Variants in TNPO1 observed in about 807,000 individuals in gnomAD.
The protein encoded by TNPO1 is transportin-1.
A neutral mutation model predicts 119.5 loss-of-function variants in TNPO1; 8 were observed. The ratio of observed to expected loss-of-function variants is 0.07; its 90% confidence interval spans 0.04 to 0.12. The LOEUF (loss-of-function observed/expected upper bound fraction) is 0.12. Among genes scored for constraint, TNPO1 ranks in the 10% least tolerant of loss-of-function variants. TNPO1 has a pLI of 1.00. For synonymous variants in TNPO1, 362 were observed against 363.0 expected (o/e 1.00, Z 0.03); for missense variants, 576 against 1,089.8 (o/e 0.53, Z 6.64).
intron 20 of TNPO1, among the ~76,000 whole-genome samples, chr5:72,898,239 G>T (rs1749577757): frequency 6.6e-6 from 1 of 152,076 alleles, no homozygotes; most frequent in Admixed American, 6.6e-5. Flanking sequence ...GGAACCTAAA[G>T]AAACTTCTAT....
chr5:72,907,786 A>G (rs893930335), intron 24 of TNPO1, among the ~76,000 whole-genome samples: 1 of 152,170 alleles, frequency 6.6e-6, no homozygotes, highest in African/African-American at 2.4e-5. Context: ...GCCCACATCT[A>G]TAATCCTAGC....
intron 11 of TNPO1, among the ~76,000 whole-genome samples, chr5:72,884,809 G>A (rs927191566): frequency 2.6e-5 from 4 of 152,014 alleles, no homozygotes; most frequent in African/African-American, 9.7e-5. Context: ...TGTTGCGGAG[G>A]CTGTCCTGCA....
At chr5:72,818,145 T>A (rs374786952) in intron 1 of TNPO1, among the ~76,000 whole-genome samples, 9 of 152,376 alleles carry the variant, frequency 5.9e-5, no homozygotes, top group African/African-American at 2.2e-4. Flanking sequence ...ACTAGTGTTC[T>A]GTTTTCTTTT....
At chr5:72,818,871 C>G (rs146455819) in intron 1 of TNPO1, among the ~76,000 whole-genome samples, 1 of 152,276 alleles carries the variant, frequency 6.6e-6, no homozygotes, top group East Asian at 1.9e-4. Flanking sequence ...CAGTGAAATT[C>G]CCCTGGAGGT....
intron 1 of TNPO1, among the ~76,000 whole-genome samples, chr5:72,832,896 C>G (rs1479026418): frequency 1.3e-5 from 2 of 152,144 alleles, no homozygotes; most frequent in African/African-American, 4.8e-5. Flanking sequence ...TCAGTTTACT[C>G]TCCACCCATC....
chr5:72,891,293 T>C (rs550780550), intron 14 of TNPO1, among the ~76,000 whole-genome samples: 70 of 152,168 alleles, frequency 4.6e-4, no homozygotes, highest in Non-Finnish European at 5.3e-4. Flanking sequence ...GGTGAAACCC[T>C]GTCTCTTTAA....
chr5:72,893,966 C>T (rs1749239793), intron 18 of TNPO1, among the ~76,000 whole-genome samples: 1 of 152,180 alleles, frequency 6.6e-6, no homozygotes, highest in South Asian at 2.1e-4. Context: ...GAGTAAAGGA[C>T]ATGCCCACCA....
chr5:72,818,703 T>C (rs1743807471), intron 1 of TNPO1, among the ~76,000 whole-genome samples: 2 of 152,232 alleles, frequency 1.3e-5, no homozygotes, highest in African/African-American at 2.4e-5. Flanking sequence ...CTGAGATTGA[T>C]ATTTGAATAC....
At chr5:72,850,244 C>T (rs1745442225) in intron 2 of TNPO1, among the ~76,000 whole-genome samples, 1 of 152,118 alleles carries the variant, frequency 6.6e-6, no homozygotes, top group South Asian at 2.1e-4. Flanking sequence ...AAAAGGTAAA[C>T]TTTATCAGGA....
rs989442466 is a variant in TNPO1 at position 72,912,700 on chromosome 5, G to A, written c.*4027G>A. The A allele has an allele frequency of 1.3e-5, 2 of 152,306 alleles. No homozygotes were observed. Among genetic ancestry groups the A allele is most frequent in the African/African-American group, 4.8e-5 (2 of 41,418 alleles). 9.4% of individuals were successfully genotyped at this position (152,306 alleles called of 1,614,324 possible). On this transcript the variant is annotated 3_prime_UTR_variant, in exon 25 of 25. Transcript: ENST00000337273. ...TTCAAACTCTCAAAATAGGAAAGTG[G>A]AAATTTTTCTCCCCTATATAAAATT...
At chr5:72,825,266 T>C (rs1452280838) in intron 1 of TNPO1, among the ~76,000 whole-genome samples, 2 of 152,202 alleles carry the variant, frequency 1.3e-5, no homozygotes, top group Non-Finnish European at 2.9e-5. Context: ...AGACAGTCCC[T>C]GTCACTTCTC....
At chr5:72,895,769 TTC>T (rs1364990826) in intron 18 of TNPO1, among the ~76,000 whole-genome samples, 2 of 152,346 alleles carry the variant, frequency 1.3e-5, no homozygotes, top group African/African-American at 4.8e-5. Context: ...AAATACTTGA[TTC>T]TTTTTTTTAT....
intron 2 of TNPO1, among the ~76,000 whole-genome samples, chr5:72,849,394 C>G (rs1397091510): frequency 2.0e-5 from 3 of 152,126 alleles, no homozygotes; most frequent in African/African-American, 7.2e-5. Flanking sequence ...CCGTTTTAAG[C>G]CTAAAGAAGT....
chr5:72,900,138 A>G (rs373930804), intron 21 of TNPO1, 57 bp downstream of exon 21: 295 of 1,434,228 alleles, frequency 2.1e-4, no homozygotes, highest in East Asian at 9.9e-4. Flanking sequence ...TTCTTTCTCT[A>G]TCTCACTTTT....
Position 72,913,977 on chromosome 5 carries a change from A to G in TNPO1, c.*5304A>G. 1 of 152,590 alleles carries G rather than the reference A, an allele frequency of 6.6e-6. No individual in the cohort carries two copies. Among genetic ancestry groups the G allele is most frequent in the Non-Finnish European group, 1.5e-5 (1 of 67,976 alleles). The allele number at this position is 152,590 out of a possible 1,614,324, so 9.5% of individuals were successfully genotyped here. A position where few individuals can be genotyped will look rare whatever the true frequency, so the allele number is the denominator to read the frequency against. On this transcript the variant is annotated 3_prime_UTR_variant, in exon 25 of 25. Coordinates refer to ENST00000337273, the MANE Select transcript of TNPO1 (RefSeq NM_002270.4). Reference sequence around the variant, plus strand: ...TAATATGTTAACATTGGGTGCAATAATTTAGTAGCATTAGCTTTAGTTACA... The same window carrying G: ...TAATATGTTAACATTGGGTGCAATAGTTTAGTAGCATTAGCTTTAGTTACA...
At chr5:72,862,638 C>T (rs1452450196) in intron 5 of TNPO1, among the ~76,000 whole-genome samples, 2 of 151,302 alleles carry the variant, frequency 1.3e-5, no homozygotes, top group Non-Finnish European at 3.0e-5. Flanking sequence ...AACTTGTCTT[C>T]GTTTTTTTTG....
chr5:72,870,894 C>A (rs565752988), intron 6 of TNPO1, among the ~76,000 whole-genome samples: 81 of 152,090 alleles, frequency 5.3e-4, no homozygotes, highest in Non-Finnish European at 5.6e-4. Flanking sequence ...ATGCCAAGTA[C>A]TTAACATATA....
At chr5:72,848,890 G>T (rs1745324282) in intron 2 of TNPO1, among the ~76,000 whole-genome samples, 1 of 151,518 alleles carries the variant, frequency 6.6e-6, no homozygotes, top group South Asian at 2.1e-4. Flanking sequence ...CACACAATGC[G>T]CCCCGTGGGT....
At position 72,861,863 on chromosome 5, in the gene TNPO1, C is replaced by G. The variant is rs1300625134; in HGVS notation, c.411C>G (p.Leu137=). The change falls in exon 5 of 25, where the codon CTC becomes CTG. Residue 137 remains leucine, a synonymous_variant. Transcript: ENST00000337273. ...SKGELQNWPD[L]LPKLCSLLDS... is the part of the protein sequence containing the mutation. ...GAGAATTGCAGAATTGGCCTGACCT[C>G]TTACCAAAACTCTGTAGCCTGTTGG... 1.2e-6 allele frequency: 2 copies of G among 1,613,966 alleles called. No individual in the cohort carries two copies. The highest frequency in any genetic ancestry group is 3.3e-5 in the Admixed American group (2 of 60,018).
Sources: gnomAD v4.1 joint callset for allele counts (sites outside exome capture counted in the v4.1 genomes callset) on GRCh38, gnomAD v4.1.1 for gene constraint, MANE v1.5 for transcripts, NCBI Gene and HGNC (gene_info 2026-07-23, HGNC 2026-07-21) for gene names.